Variants in ANK3 observed in about 807,000 individuals in gnomAD.
ANK3 encodes the protein ankyrin-3.
ANK3 carries 57 observed loss-of-function variants against 370.9 expected under a neutral mutation model. The ratio of observed to expected loss-of-function variants is 0.15; its 90% CI spans 0.12 to 0.19. The LOEUF (loss-of-function observed/expected upper bound fraction) is 0.19, where lower values mean the gene tolerates loss of function less well. Ranked by LOEUF, ANK3 falls within the 10% of genes least tolerant of loss-of-function variation. The pLI is 1.00. For missense variants in ANK3, 4,439 were observed against 5,302.1 expected (o/e 0.84, Z 5.06); for synonymous variants, 1,929 against 1,946.3 (o/e 0.99, Z 0.23).
intron 1 of ANK3, among the ~76,000 whole-genome samples, chr10:60,716,004 G>A (rs780983264): frequency 6.6e-6 from 1 of 152,184 alleles, no homozygotes; most frequent in African/African-American, 2.4e-5. Flanking sequence ...TGGTCAGTTA[G>A]AAATGTCATG....
chr10:60,653,266 A>T (rs1428205321), intron 1 of ANK3, among the ~76,000 whole-genome samples: 1 of 152,106 alleles, frequency 6.6e-6, no homozygotes, highest in African/African-American at 2.4e-5. Flanking sequence ...GTTTTCTTCT[A>T]GAAGATTTAC....
intron 42 of ANK3, chr10:60,043,564 C>A (rs924806766): frequency 1.9e-5 from 19 of 985,238 alleles, no homozygotes; most frequent in African/African-American, 1.9e-4. Context: ...AAGAGGGGAA[C>A]CCCCTCCTCA....
At chr10:60,237,595 TTC>T (rs1227865760) in intron 7 of ANK3, among the ~76,000 whole-genome samples, 1 of 151,854 alleles carries the variant, frequency 6.6e-6, no homozygotes, top group East Asian at 1.9e-4. Flanking sequence ...TTTCTTTTTT[TTC>T]TCTTTTTTTT....
At chr10:60,399,379 C>T (rs2063309252) in intron 2 of ANK3, among the ~76,000 whole-genome samples, 1 of 152,164 alleles carries the variant, frequency 6.6e-6, no homozygotes, top group South Asian at 2.1e-4. Context: ...TCTCTCACCC[C>T]ATCCTCCTCC....
chr10:60,546,361 G>T (rs534636061), intron 2 of ANK3, among the ~76,000 whole-genome samples: 5 of 152,134 alleles, frequency 3.3e-5, no homozygotes, highest in African/African-American at 1.2e-4. Context: ...TAATTACAAG[G>T]TACTTCCACA....
chr10:60,270,109 C>T (rs758761061), intron 5 of ANK3, 22 bp downstream of exon 5: 13 of 1,487,498 alleles, frequency 8.7e-6, no homozygotes, highest in Non-Finnish European at 1.2e-5. Context: ...AACTCACCCA[C>T]AGGAAAAAAA....
intron 1 of ANK3, among the ~76,000 whole-genome samples, chr10:60,356,824 T>C (rs1388116309): frequency 6.6e-6 from 1 of 152,166 alleles, no homozygotes; most frequent in Non-Finnish European, 1.5e-5. Context: ...TTCTTGTGCC[T>C]CAGCCTCCCC....
chr10:60,170,464 A>G (rs1295581743), intron 21 of ANK3, among the ~76,000 whole-genome samples: 1 of 152,214 alleles, frequency 6.6e-6, no homozygotes, highest in African/African-American at 2.4e-5. Context: ...CAAGGCTGAC[A>G]AGGTGGTGTC....
chr10:60,155,995 C>T (rs1014016960), intron 23 of ANK3, among the ~76,000 whole-genome samples: 35 of 152,186 alleles, frequency 2.3e-4, no homozygotes, highest in African/African-American at 8.0e-4. Flanking sequence ...GCCTGTGAGA[C>T]TTTACCTTGT....
intron 2 of ANK3, among the ~76,000 whole-genome samples, chr10:60,501,641 G>A (rs1476887373): frequency 3.4e-5 from 5 of 148,490 alleles, no homozygotes; most frequent in Non-Finnish European, 7.4e-5. Context: ...GGAGGCAGAG[G>A]TTGCAGTGAA....
At position 60,079,174 on chromosome 10, in the gene ANK3, TACAC is replaced by T. The variant is rs58239281; in HGVS notation, c.4432+1359_4432+1362del. On this transcript the variant is annotated intron_variant, in intron 36 of 43. Coordinates refer to ENST00000280772, the MANE Select transcript of ANK3 (RefSeq NM_020987.5). ...ACTGGAAACCACCTAGCTACCTAGC[TACAC>T]ACACACACACACACACACACACACA... 9.9e-3 allele frequency among the ~76,000 whole-genome samples: 1,126 copies of T among 113,806 alleles called. 8 individuals carry two copies. Among genetic ancestry groups the T allele is most frequent in the East Asian group, 0.028 (96 of 3,408 alleles). The allele number at this position is 113,806 out of a possible 152,430, so 74.7% of individuals were successfully genotyped here.
chr10:60,375,493 G>T (rs747236073), intron 1 of ANK3, among the ~76,000 whole-genome samples: 16 of 151,812 alleles, frequency 1.1e-4, no homozygotes, highest in Non-Finnish European at 2.2e-4. Context: ...ATTAAGGCCT[G>T]CCTGGGGGGG....
rs571429973 is a variant in ANK3 at position 60,611,245 on chromosome 10, T to G, written c.96+3941A>C. ...CGATACTCCAAAATGAAAACAGGAG[T>G]CTTTTCCTCCTACAGAGCACACACC... On this transcript the variant is annotated intron_variant, in intron 2 of 43. Coordinates refer to the ANK3 transcript ENST00000373827. 1.2e-4 allele frequency among the ~76,000 whole-genome samples: 18 copies of G among 151,626 alleles called. No homozygotes were observed. The East Asian group carries it at 2.3e-3, about 20-fold the overall frequency.
chr10:60,204,851 T>A (rs2096737111), intron 11 of ANK3, among the ~76,000 whole-genome samples: 1 of 152,058 alleles, frequency 6.6e-6, no homozygotes, highest in Admixed American at 6.6e-5. Flanking sequence ...GAACATGTAG[T>A]CCAGGCTGGG....
chr10:60,202,676 G>C (rs550066227), intron 12 of ANK3, among the ~76,000 whole-genome samples: 1 of 152,256 alleles, frequency 6.6e-6, no homozygotes, highest in East Asian at 1.9e-4. Flanking sequence ...GGAGGCCAGC[G>C]CAGGAGGATT....
At chr10:60,691,400 A>T (rs1029438289) in intron 1 of ANK3, among the ~76,000 whole-genome samples, 10 of 152,238 alleles carry the variant, frequency 6.6e-5, no homozygotes, top group African/African-American at 2.4e-4. Context: ...TCTGAGACTG[A>T]GAGGATCAAT....
At chr10:60,394,334 G>A (rs1461287862), upstream of ANK3, among the ~76,000 whole-genome samples, 2 of 151,938 alleles carry the variant, frequency 1.3e-5, no homozygotes, top group Non-Finnish European at 2.9e-5. Context: ...GACATATGAA[G>A]TTCTTAAAAA....
chr10:60,530,362 C>T (rs766537488), intron 2 of ANK3, among the ~76,000 whole-genome samples: 1 of 151,348 alleles, frequency 6.6e-6, no homozygotes, highest in Non-Finnish European at 1.5e-5. Flanking sequence ...TTAATGATAA[C>T]TAAGTTTAAC....
At chr10:60,210,587 C>T (rs559166322) in intron 9 of ANK3, among the ~76,000 whole-genome samples, 1 of 152,284 alleles carries the variant, frequency 6.6e-6, no homozygotes, top group African/African-American at 2.4e-5. Flanking sequence ...GACTTCTGAT[C>T]AAACACAGCA....
Sources: gnomAD v4.1 joint callset for allele counts (sites outside exome capture counted in the v4.1 genomes callset) on GRCh38, gnomAD v4.1.1 for gene constraint, MANE v1.5 for transcripts, NCBI Gene and HGNC (gene_info 2026-07-23, HGNC 2026-07-21) for gene names.